Variants in C12orf42 observed in about 807,000 individuals in gnomAD.
C12orf42 encodes the protein uncharacterized protein C12orf42.
In C12orf42, 25 loss-of-function variants were observed where a neutral mutation model predicts 21.6. That is an observed-to-expected ratio of 1.16 (90% CI 0.84 to 1.62). The LOEUF (loss-of-function observed/expected upper bound fraction) is 1.62. Ranked by LOEUF, C12orf42 falls within the 40% of genes most tolerant of loss-of-function variation. C12orf42 has a pLI of 0.00. For synonymous variants in C12orf42, 174 were observed against 175.0 expected (o/e 0.99, Z 0.05); for missense variants, 483 against 459.3 (o/e 1.05, Z -0.47).
intron 10 of C12orf42, among the ~76,000 whole-genome samples, chr12:103,261,867 G>A (rs2034917480): frequency 6.6e-6 from 1 of 152,162 alleles, no homozygotes; most frequent in African/African-American, 2.4e-5. Flanking sequence ...TAATTTTAGA[G>A]AAGATGAAGA....
chr12:103,464,353 T>C (rs1952951404), intron 2 of C12orf42, among the ~76,000 whole-genome samples: 1 of 152,182 alleles, frequency 6.6e-6, no homozygotes, highest in African/African-American at 2.4e-5. Context: ...ATATGTTTCT[T>C]GGCCATATAA....
At chr12:103,147,646 T>G in the C12orf42 span, among the ~76,000 whole-genome samples, 1 of 125,432 alleles carries the variant, frequency 8.0e-6, no homozygotes, top group Non-Finnish European at 1.7e-5. Context: ...TTTTTTGTAA[T>G]GTACGACAGT....
the C12orf42 span, among the ~76,000 whole-genome samples, chr12:103,163,117 C>G: frequency 6.6e-6 from 1 of 152,192 alleles, no homozygotes. Context: ...ACATCAGTGT[C>G]TGGCAACTAG....
At chr12:103,399,285 T>C (rs1189261052) in intron 3 of C12orf42, among the ~76,000 whole-genome samples, 5 of 151,970 alleles carry the variant, frequency 3.3e-5, no homozygotes, top group African/African-American at 9.6e-5. Flanking sequence ...GACGTAATAA[T>C]AGTAGTCATT....
At chr12:103,306,926 A>G (rs1781560645) in intron 4 of C12orf42, among the ~76,000 whole-genome samples, 1 of 152,148 alleles carries the variant, frequency 6.6e-6, no homozygotes, top group African/African-American at 2.4e-5. Context: ...ACACAGAGGG[A>G]AGACCCAGGT....
chr12:103,549,271 A>AC, the C12orf42 span, among the ~76,000 whole-genome samples: 1 of 150,712 alleles, frequency 6.6e-6, no homozygotes, highest in Non-Finnish European at 1.5e-5. Flanking sequence ...TCAACTTTTT[A>AC]TTTTTAAACA....
intron 2 of C12orf42, among the ~76,000 whole-genome samples, chr12:103,470,426 C>T (rs1372557552): frequency 6.6e-6 from 1 of 152,148 alleles, no homozygotes; most frequent in Non-Finnish European, 1.5e-5. Context: ...GGTCTCTACC[C>T]GAGTTGTCTG....
the C12orf42 span, among the ~76,000 whole-genome samples, chr12:103,222,431 A>C: frequency 2.0e-5 from 3 of 152,126 alleles, no homozygotes; most frequent in Non-Finnish European, 4.4e-5. Context: ...CTTCTTTTGT[A>C]GTGGAATGTC....
At chr12:103,393,405 G>A (rs1452495885) in intron 3 of C12orf42, among the ~76,000 whole-genome samples, 2 of 152,276 alleles carry the variant, frequency 1.3e-5, no homozygotes, top group Non-Finnish European at 2.9e-5. Context: ...AGTACCAAGC[G>A]ATGAGGGATC....
At chr12:103,085,471 G>T in the C12orf42 span, among the ~76,000 whole-genome samples, 5 of 151,704 alleles carry the variant, frequency 3.3e-5, no homozygotes, top group African/African-American at 9.7e-5. Flanking sequence ...TAGGAGAAAA[G>T]AAAGATTTCA....
intron 2 of C12orf42, among the ~76,000 whole-genome samples, chr12:103,407,540 A>G (rs1732374654): frequency 6.6e-6 from 1 of 152,214 alleles, no homozygotes; most frequent in African/African-American, 2.4e-5. Context: ...TCTTAATAAC[A>G]TCTTTTCTCT....
chr12:103,150,321 T>C, the C12orf42 span, among the ~76,000 whole-genome samples: 1 of 152,318 alleles, frequency 6.6e-6, no homozygotes, highest in South Asian at 2.1e-4. Context: ...GAAACAGCTA[T>C]GTGTAAGAAA....
the C12orf42 span, among the ~76,000 whole-genome samples, chr12:103,123,715 TTAA>T: frequency 6.6e-6 from 1 of 152,024 alleles, no homozygotes; most frequent in Non-Finnish European, 1.5e-5. Context: ...AAATATCACT[TTAA>T]TAAATTTTAT....
chr12:103,518,405 A>G, the C12orf42 span, among the ~76,000 whole-genome samples: 1 of 151,890 alleles, frequency 6.6e-6, no homozygotes, highest in Non-Finnish European at 1.5e-5. Flanking sequence ...GACGCCAGAA[A>G]CTCTTCTGCC....
At chr12:103,199,823 A>G in the C12orf42 span, among the ~76,000 whole-genome samples, 1 of 152,182 alleles carries the variant, frequency 6.6e-6, no homozygotes, top group Non-Finnish European at 1.5e-5. Flanking sequence ...CATTTAGAAA[A>G]TGGAAGATAA....
chr12:103,265,689 C>G (rs2035130016), downstream of C12orf42, among the ~76,000 whole-genome samples: 1 of 152,048 alleles, frequency 6.6e-6, no homozygotes. Context: ...AACAGACTCA[C>G]GTGGGTTGGG....
intron 2 of C12orf42, among the ~76,000 whole-genome samples, chr12:103,447,868 C>A (rs1029929174): frequency 2.0e-5 from 3 of 151,940 alleles, no homozygotes; most frequent in African/African-American, 7.3e-5. Flanking sequence ...GACCATACTG[C>A]CAAAAGCAAT....
At chr12:103,225,226 G>A in the C12orf42 span, among the ~76,000 whole-genome samples, 1 of 152,160 alleles carries the variant, frequency 6.6e-6, no homozygotes, top group Non-Finnish European at 1.5e-5. Flanking sequence ...ACTGGGTTGG[G>A]CACCACAGGG....
the C12orf42 span, among the ~76,000 whole-genome samples, chr12:103,096,119 T>G: frequency 6.6e-6 from 1 of 152,226 alleles, no homozygotes; most frequent in Non-Finnish European, 1.5e-5. Context: ...GCTCCGTTTC[T>G]TTTGCTAATC....
Sources: allele counts gnomAD v4.1 joint callset (sites outside exome capture counted in the v4.1 genomes callset), GRCh38; gene constraint gnomAD v4.1.1; transcripts MANE v1.5; gene names NCBI Gene and HGNC (gene_info 2026-07-23, HGNC 2026-07-21).